The following SLIT3 variants were observed in gnomAD, a reference collection of about 807,000 sequenced individuals.
SLIT3 encodes the protein slit homolog 3 protein.
A neutral mutation model predicts 184.0 loss-of-function variants in SLIT3; 68 were observed. The ratio of observed to expected loss-of-function variants is 0.37; its 90% CI spans 0.30 to 0.45. The LOEUF (loss-of-function observed/expected upper bound fraction) is 0.45, where lower values mean the gene tolerates loss of function less well. Ranked by LOEUF, SLIT3 falls within the 20% of genes least tolerant of loss-of-function variation. The probability of loss-of-function intolerance (pLI) is 1.00; values close to 1 mark genes in which losing one functional copy is unlikely to be tolerated. For synonymous variants in SLIT3, 831 were observed against 828.6 expected (o/e 1.00, Z -0.05); for missense variants, 1,707 against 2,026.0 (o/e 0.84, Z 3.02).
intron 3 of SLIT3, among the ~76,000 whole-genome samples, chr5:169,225,900 C>G (rs1764790979): frequency 6.6e-6 from 1 of 152,302 alleles, no homozygotes; most frequent in East Asian, 1.9e-4. Context: ...TTGGGAAGCT[C>G]ACTCTGGCTG....
chr5:169,151,913 T>C lies in SLIT3; in HGVS notation c.413+41566A>G, dbSNP rs561376549. Among the ~76,000 whole-genome samples, 5 of 152,360 alleles carry C rather than the reference T, an allele frequency of 3.3e-5. No homozygotes were observed. In the East Asian group the frequency reaches 5.8e-4, roughly 18 times the overall value. On this transcript the variant is annotated intron_variant, in intron 4 of 35. Coordinates refer to ENST00000519560, the MANE Select transcript of SLIT3 (RefSeq NM_003062.4). ...AGCAACCCTATTCAATCATTCTGCC[T>C]TAGTTTCCCACCTATGAAATGAGGA...
intron 4 of SLIT3, among the ~76,000 whole-genome samples, chr5:169,123,752 G>A (rs1760975250): frequency 6.6e-6 from 1 of 152,208 alleles, no homozygotes; most frequent in African/African-American, 2.4e-5. Flanking sequence ...CAAAGCAATG[G>A]CTACCAAGAG....
intron 5 of SLIT3, among the ~76,000 whole-genome samples, chr5:168,862,537 T>C (rs1043063626): frequency 6.6e-6 from 1 of 152,168 alleles, no homozygotes; most frequent in Non-Finnish European, 1.5e-5. Flanking sequence ...TACTACATGA[T>C]GGTGACCTCC....
intron 3 of SLIT3, among the ~76,000 whole-genome samples, chr5:169,232,420 T>C (rs1316846984): frequency 6.6e-6 from 1 of 152,178 alleles, no homozygotes; most frequent in Non-Finnish European, 1.5e-5. Flanking sequence ...AGATGGGGTT[T>C]CGCCATGTTG....
At chr5:169,095,558 T>G (rs1267967801) in intron 4 of SLIT3, among the ~76,000 whole-genome samples, 1 of 152,202 alleles carries the variant, frequency 6.6e-6, no homozygotes, top group Non-Finnish European at 1.5e-5. Flanking sequence ...TCTGTCCAGC[T>G]TTTGTGTAAG....
intron 4 of SLIT3, among the ~76,000 whole-genome samples, chr5:168,980,676 G>A (rs1167878827): frequency 6.6e-6 from 1 of 152,142 alleles, no homozygotes; most frequent in Non-Finnish European, 1.5e-5. Context: ...CTTAACCCAA[G>A]AAATACTTAT....
At chr5:168,992,454 A>G (rs1263664796) in intron 4 of SLIT3, among the ~76,000 whole-genome samples, 1 of 152,224 alleles carries the variant, frequency 6.6e-6, no homozygotes, top group African/African-American at 2.4e-5. Flanking sequence ...TGGATTTATA[A>G]ATAGGTTATT....
intron 5 of SLIT3, among the ~76,000 whole-genome samples, chr5:168,858,875 C>T (rs912791675): frequency 6.6e-6 from 1 of 152,244 alleles, no homozygotes; most frequent in African/African-American, 2.4e-5. Context: ...GTTCCTAAGG[C>T]CCCTGGGCGG....
At chr5:169,277,300 G>A (rs1766842679) in intron 1 of SLIT3, among the ~76,000 whole-genome samples, 1 of 151,818 alleles carries the variant, frequency 6.6e-6, no homozygotes, top group Admixed American at 6.6e-5. Context: ...GCATGATCAT[G>A]GCTCACCATA....
At chr5:169,250,917 G>A (rs529156960) in intron 2 of SLIT3, among the ~76,000 whole-genome samples, 1 of 152,260 alleles carries the variant, frequency 6.6e-6, no homozygotes, top group Admixed American at 6.5e-5. Context: ...TTCAAATTTT[G>A]CTACCTGTCT....
At chr5:168,686,034 G>A (rs1761733065) in intron 30 of SLIT3, 107 bp from the exon 31 acceptor site, 1 of 1,272,610 alleles carries the variant, frequency 7.9e-7, no homozygotes, top group African/African-American at 1.5e-5. Context: ...AGTGAGATGG[G>A]AAATGACACT....
chr5:169,074,411 T>C (rs1441409028), intron 4 of SLIT3, among the ~76,000 whole-genome samples: 1 of 152,150 alleles, frequency 6.6e-6, no homozygotes, highest in African/African-American at 2.4e-5. Flanking sequence ...ACATTAATAA[T>C]AACAGTAGTA....
At chr5:168,752,170 T>C (rs1754739700) in intron 18 of SLIT3, among the ~76,000 whole-genome samples, 1 of 152,154 alleles carries the variant, frequency 6.6e-6, no homozygotes, top group South Asian at 2.1e-4. Flanking sequence ...TGACCCTGGC[T>C]TCCTCTTCAG....
intron 34 of SLIT3, 93 bp from the exon 35 acceptor site, chr5:168,670,084 C>A: frequency 1.0e-6 from 1 of 1,004,526 alleles, no homozygotes; most frequent in East Asian, 2.5e-5. Flanking sequence ...CCAGGGGACC[C>A]GGAGCTGAGT....
intron 4 of SLIT3, chr5:169,024,928 A>T (rs1484767055): frequency 6.6e-6 from 1 of 152,242 alleles, no homozygotes; most frequent in Admixed American, 6.5e-5. Context: ...AAGTCTCCAG[A>T]CACCTCCAAC....
At chr5:169,159,867 C>T (rs1762424224) in intron 4 of SLIT3, among the ~76,000 whole-genome samples, 1 of 152,194 alleles carries the variant, frequency 6.6e-6, no homozygotes, top group South Asian at 2.1e-4. Flanking sequence ...TAAAATGCAA[C>T]CAGCACATGC....
chr5:169,031,174 G>T (rs17666932), intron 4 of SLIT3, among the ~76,000 whole-genome samples: 45,348 of 152,000 alleles, frequency 0.3, 7,806 homozygotes, highest in East Asian at 0.52. Flanking sequence ...AAGCATTTCA[G>T]ACTCCCTGGC....
intron 23 of SLIT3, among the ~76,000 whole-genome samples, chr5:168,714,672 A>G (rs1762664179): frequency 6.6e-6 from 1 of 152,178 alleles, no homozygotes; most frequent in African/African-American, 2.4e-5. Flanking sequence ...CAGGTTCTCC[A>G]TCCTGGTTTG....
chr5:168,985,590 C>G (rs1432313582), intron 4 of SLIT3, among the ~76,000 whole-genome samples: 1 of 152,188 alleles, frequency 6.6e-6, no homozygotes, highest in Non-Finnish European at 1.5e-5. Context: ...ATTTCAGTTC[C>G]TATGCATGGT....
Sources: gnomAD v4.1 joint callset for allele counts (sites outside exome capture counted in the v4.1 genomes callset) on GRCh38, gnomAD v4.1.1 for gene constraint, MANE v1.5 for transcripts, NCBI Gene and HGNC (gene_info 2026-07-23, HGNC 2026-07-21) for gene names.